The following CDC73 variants were observed in gnomAD, a reference collection of about 807,000 sequenced individuals.
The protein encoded by CDC73 is parafibromin.
In CDC73, 21 loss-of-function variants were observed where a neutral mutation model predicts 83.7. That is an observed-to-expected ratio of 0.25 (90% CI 0.18 to 0.36). The LOEUF (loss-of-function observed/expected upper bound fraction) is 0.36. Among genes scored for constraint, CDC73 ranks in the 10% least tolerant of loss-of-function variants. CDC73 has a pLI of 1.00. For missense variants in CDC73, 342 were observed against 653.3 expected, an observed-to-expected ratio of 0.52 and a Z score of 5.19; for synonymous variants, 224 against 212.9, an observed-to-expected ratio of 1.05 and a Z score of -0.45.
intron 13 of CDC73, among the ~76,000 whole-genome samples, chr1:193,227,075 A>G (rs1208095036): frequency 6.6e-6 from 1 of 151,754 alleles, no homozygotes; most frequent in African/African-American, 2.4e-5. Flanking sequence ...ATTTATCCAT[A>G]TATTCTAGGT....
rs2103132194 is a variant in CDC73, at chr1:193,150,333, C to T, written c.858C>T (p.Ile286=). The part of the protein sequence containing the change: ...VDPTLRTKQP[I]PAAYNRYDQE... The stretch of plus-strand genomic sequence containing the variant: ...CCACTTTGCGCACCAAACAGCCTAT[C>T]CCAGCTGCCTATAACAGATACGATC... The change falls in exon 9 of 17, where the codon ATC becomes ATT. Residue 286 remains isoleucine, a synonymous_variant. Coordinates refer to ENST00000367435, the MANE Select transcript of CDC73 (RefSeq NM_024529.5). 3 of 1,613,184 alleles carry T rather than the reference C, an allele frequency of 1.9e-6. No individual in the cohort carries two copies. The highest frequency in any genetic ancestry group is 1.1e-5 in the South Asian group (1 of 91,070).
intron 10 of CDC73, among the ~76,000 whole-genome samples, chr1:193,174,458 C>T (rs1676570423): frequency 6.6e-6 from 1 of 152,012 alleles, no homozygotes; most frequent in South Asian, 2.1e-4. Flanking sequence ...GTAAATGTTG[C>T]TTGAAAAGTA....
intron 13 of CDC73, among the ~76,000 whole-genome samples, chr1:193,230,143 CTTTTTTTT>C (rs944930837): frequency 7.4e-6 from 1 of 135,098 alleles, no homozygotes. Context: ...CATTCCCATT[CTTTTTTTT>C]TTTTTTTTTT....
intron 10 of CDC73, among the ~76,000 whole-genome samples, chr1:193,188,999 G>GCT (rs1225070472): frequency 3.3e-5 from 5 of 151,332 alleles, no homozygotes; most frequent in Admixed American, 3.3e-4. Flanking sequence ...TATTGCCCAG[G>GCT]CTGGGGTACA....
intron 13 of CDC73, among the ~76,000 whole-genome samples, chr1:193,228,349 T>C (rs554113424): frequency 1.3e-5 from 2 of 152,206 alleles, no homozygotes; most frequent in Admixed American, 6.5e-5. Context: ...GTGCAAAATA[T>C]CTTCAAAAAA....
intron 3 of CDC73, among the ~76,000 whole-genome samples, chr1:193,135,038 ATATGTGTGTG>A (rs67346933): frequency 0.32 from 48,693 of 151,664 alleles, 9,614 homozygotes; most frequent in South Asian, 0.59. Context: ...TTGTCCATAT[ATATGTGTGTG>A]TATGTGTGTG....
At chr1:193,205,343 C>T (rs1677171516) in intron 11 of CDC73, among the ~76,000 whole-genome samples, 1 of 151,770 alleles carries the variant, frequency 6.6e-6, no homozygotes, top group Admixed American at 6.6e-5. Context: ...ATTTGGATAT[C>T]CTCATTCATA....
At chr1:193,218,101 A>G (rs1677401573) in intron 13 of CDC73, among the ~76,000 whole-genome samples, 1 of 152,206 alleles carries the variant, frequency 6.6e-6, no homozygotes, top group East Asian at 1.9e-4. Flanking sequence ...ATTTCTATAC[A>G]CTAGTAATGT....
rs775940851 is a variant in CDC73, at chr1:193,122,217, G to A, written c.17G>A (p.Ser6Asn). MADVL[S>N]VLRQYNIQKK... ...GGGGGGAAGATGGCGGACGTGCTTA[G>A]CGTCCTGCGACAGTACAACATCCAG... is the stretch of plus-strand genomic sequence containing the variant. The change falls in exon 1 of 17, where the codon AGC (serine) becomes AAC (asparagine). Residue 6 changes from serine to asparagine, a missense_variant. By Grantham distance (46) the Ser-to-Asn change is conservative. This residue lies in a region of CDC73 where 99 missense variants were observed against 174.5 expected (regional missense o/e 0.57). Transcript: ENST00000367435. 6.2e-7 allele frequency: 1 copy of A among 1,614,198 alleles called. No homozygotes were observed. Among genetic ancestry groups the A allele is most frequent in the South Asian group, 1.1e-5 (1 of 91,090 alleles).
chr1:193,177,551 C>T (rs1214134886), intron 10 of CDC73, among the ~76,000 whole-genome samples: 1 of 146,846 alleles, frequency 6.8e-6, no homozygotes, highest in South Asian at 2.2e-4. Context: ...AAAAAAAGAA[C>T]ATGATCCTTG....
intron 10 of CDC73, among the ~76,000 whole-genome samples, chr1:193,184,721 C>A (rs1045471977): frequency 2.6e-5 from 4 of 151,878 alleles, no homozygotes; most frequent in Non-Finnish European, 5.9e-5. Context: ...CCAAGAGGGA[C>A]TTGAAATTTT....
At chr1:193,146,474 G>GAAGC (rs201981048) in intron 7 of CDC73, among the ~76,000 whole-genome samples, 6,335 of 150,904 alleles carry the variant, frequency 0.042, 151 homozygotes, top group Middle Eastern at 0.088. Context: ...GCAGAAGGCA[G>GAAGC]AAGCAAGCAA....
intron 10 of CDC73, chr1:193,180,389 T>G: frequency 6.2e-7 from 1 of 1,613,864 alleles, no homozygotes; most frequent in South Asian, 1.1e-5. Context: ...TTCCAGTATT[T>G]TATCAGTTCA....
chr1:193,203,572 G>T (rs951819416), intron 10 of CDC73, among the ~76,000 whole-genome samples: 5 of 152,162 alleles, frequency 3.3e-5, no homozygotes, highest in African/African-American at 1.2e-4. Context: ...TTATGCTAAA[G>T]ATGTTTATTA....
Position 193,147,882 on chromosome 1 carries a change from A to G in CDC73, c.745A>G (p.Ile249Val), listed in dbSNP as rs1250821112. The G allele has an allele frequency of 6.2e-7, 1 of 1,607,706 alleles. No homozygotes were observed. The highest frequency in any genetic ancestry group is 8.5e-7 in the Non-Finnish European group (1 of 1,174,704). The change falls in exon 8 of 17, where the codon ATT becomes GTT. Residue 249 changes from isoleucine to valine, a missense_variant. Around this residue, in one of 3 missense-constraint regions of CDC73, gnomAD observed 239 missense variants for 420.6 expected, o/e 0.57. Coordinates refer to ENST00000367435, the MANE Select transcript of CDC73 (RefSeq NM_024529.5). ...QSTGKNFSKN[I>V]FAILQSVKAR... Reference sequence around the variant, plus strand: ...TATATTTTAGAATTTTTCCAAGAACATTTTTGCAATTCTTCAATCTGTAAA... The same window carrying G: ...TATATTTTAGAATTTTTCCAAGAACGTTTTTGCAATTCTTCAATCTGTAAA...
At chr1:193,221,685 T>G (rs1005707535) in intron 13 of CDC73, among the ~76,000 whole-genome samples, 2 of 152,190 alleles carry the variant, frequency 1.3e-5, no homozygotes, top group Non-Finnish European at 2.9e-5. Flanking sequence ...AATCACAAAG[T>G]AAATTTTAGT....
At position 193,222,797 on chromosome 1, in the gene CDC73, C is replaced by G. The variant is rs765944947; in HGVS notation, c.1155-10196C>G. On this transcript the variant is annotated intron_variant, in intron 13 of 16. Coordinates refer to ENST00000367435, the MANE Select transcript of CDC73 (RefSeq NM_024529.5). Reference sequence around the variant, plus strand: ...TGCATATGTTCTGTTCCCCATCCCCCCTTTTTTCTCACCTCTTTTTGGAAC... The same window carrying G: ...TGCATATGTTCTGTTCCCCATCCCCGCTTTTTTCTCACCTCTTTTTGGAAC... 1.1e-4 allele frequency among the ~76,000 whole-genome samples: 16 copies of G among 151,270 alleles called. No individual in the cohort carries two copies. In the East Asian group the frequency reaches 2.5e-3, roughly 24 times the overall value.
At chr1:193,171,445 C>T (rs898811822) in intron 10 of CDC73, among the ~76,000 whole-genome samples, 1 of 152,086 alleles carries the variant, frequency 6.6e-6, no homozygotes, top group Non-Finnish European at 1.5e-5. Flanking sequence ...CAAGTTCCTT[C>T]GGGTTGTTGA....
At chr1:193,208,288 G>C (rs1006025586) in intron 11 of CDC73, among the ~76,000 whole-genome samples, 6 of 152,004 alleles carry the variant, frequency 3.9e-5, no homozygotes, top group Non-Finnish European at 1.5e-5. Context: ...TAGACCAGTG[G>C]GTCTCAGTGT....
Sources: allele counts gnomAD v4.1 joint callset (sites outside exome capture counted in the v4.1 genomes callset), GRCh38; gene constraint gnomAD v4.1.1; regional missense constraint gnomAD v4.1.1; transcripts MANE v1.5; gene names NCBI Gene and HGNC (gene_info 2026-07-23, HGNC 2026-07-21).